FUT8: variants seen among roughly 807,000 people sequenced by gnomAD.
FUT8 encodes the protein fucosyltransferase 8, also known as alpha-(1,6)-fucosyltransferase.
In FUT8, 29 loss-of-function variants were observed where a neutral mutation model predicts 71.3. That is an observed-to-expected ratio of 0.41 (90% CI 0.30 to 0.55). The LOEUF (loss-of-function observed/expected upper bound fraction) is 0.55, where lower values mean the gene tolerates loss of function less well. Ranked by LOEUF, FUT8 falls within the 20% of genes least tolerant of loss-of-function variation. The pLI is 0.34. For missense variants in FUT8, 544 were observed against 702.1 expected (o/e 0.77, Z 2.55); for synonymous variants, 254 against 239.3 (o/e 1.06, Z -0.57).
chr14:65,546,798 C>G (rs926701933), intron 2 of FUT8, among the ~76,000 whole-genome samples: 1 of 151,426 alleles, frequency 6.6e-6, no homozygotes, highest in African/African-American at 2.4e-5. Flanking sequence ...GTTGTTATAT[C>G]TACCATGTTA....
rs1276715025 is a variant in FUT8, at chr14:65,444,489, G to A, written c.-325-11132G>A. Among the ~76,000 whole-genome samples, 7 of 152,232 alleles carry A rather than the reference G, an allele frequency of 4.6e-5. No homozygotes were observed. The Middle Eastern group carries it at 0.017, about 370-fold the overall frequency. On this transcript the variant is annotated intron_variant, in intron 1 of 10. Coordinates refer to ENST00000673929, the MANE Select transcript of FUT8 (RefSeq NM_001371533.1). ...ACATGTTCCTGCAAAAACCAGTAATGCTCTGTTCATAATTGCCCAAAACTG... is the reference window on the plus strand; with the variant it reads ...ACATGTTCCTGCAAAAACCAGTAATACTCTGTTCATAATTGCCCAAAACTG...
intron 6 of FUT8, among the ~76,000 whole-genome samples, chr14:65,659,897 T>G (rs1594870912): frequency 2.0e-5 from 3 of 152,270 alleles, no homozygotes; most frequent in Admixed American, 6.5e-5. Context: ...AATCTTAATT[T>G]TGTAAGCATG....
chr14:65,384,304 A>G, the FUT8 span, among the ~76,000 whole-genome samples: 8 of 152,312 alleles, frequency 5.3e-5, no homozygotes, highest in South Asian at 1.7e-3. The surrounding 1 kb of genome is among the most constrained non-coding windows in gnomAD (Gnocchi z 4.2). Flanking sequence ...GGTGGAGTGC[A>G]GTGGTGTGAT....
chr14:65,557,224 A>G (rs1885631627), intron 2 of FUT8, among the ~76,000 whole-genome samples: 1 of 152,190 alleles, frequency 6.6e-6, no homozygotes, highest in African/African-American at 2.4e-5. Flanking sequence ...AATATTACCC[A>G]AAGAATCTCT....
the FUT8 span, among the ~76,000 whole-genome samples, chr14:65,370,492 G>A: frequency 1.3e-5 from 2 of 151,582 alleles, no homozygotes; most frequent in Admixed American, 6.6e-5. Context: ...ACAGGCGTGA[G>A]CCATTGCGCC....
intron 7 of FUT8, among the ~76,000 whole-genome samples, chr14:65,713,991 T>C (rs575186296): frequency 6.6e-6 from 1 of 152,334 alleles, no homozygotes; most frequent in African/African-American, 2.4e-5. Flanking sequence ...CTTAGTAGTT[T>C]CATAGTTTGA....
rs1890928916 is a variant in FUT8 at position 65,643,348 on chromosome 14, C to A, written c.597+13742C>A. Among the ~76,000 whole-genome samples the A allele has an allele frequency of 6.6e-6, 1 of 152,100 alleles. No homozygotes were observed. Among genetic ancestry groups the A allele is most frequent in the Non-Finnish European group, 1.5e-5 (1 of 68,016 alleles). On this transcript the variant is annotated intron_variant, in intron 6 of 10. Transcript: ENST00000673929. The surrounding 1 kb of genome is among the most constrained non-coding windows in gnomAD (Gnocchi z 4.5). Reference sequence around the variant, plus strand: ...ATATTTAGGTCATTAACATCTGTGACCTGGAAATAAAATTGACAGATTCTG... The same window carrying A: ...ATATTTAGGTCATTAACATCTGTGAACTGGAAATAAAATTGACAGATTCTG...
chr14:65,707,021 A>G (rs1023476658), intron 7 of FUT8, among the ~76,000 whole-genome samples: 1 of 152,172 alleles, frequency 6.6e-6, no homozygotes, highest in African/African-American at 2.4e-5. Flanking sequence ...AGAGCCTTAA[A>G]GTCTTGATGG....
At chr14:65,395,890 A>T in the FUT8 span, among the ~76,000 whole-genome samples, 3 of 152,250 alleles carry the variant, frequency 2.0e-5, no homozygotes, top group Non-Finnish European at 4.4e-5. Flanking sequence ...GATGCTTTTA[A>T]CATCACCAAA....
chr14:65,662,072 A>G (rs1413734030), intron 6 of FUT8, among the ~76,000 whole-genome samples: 5 of 152,194 alleles, frequency 3.3e-5, no homozygotes, highest in Non-Finnish European at 7.3e-5. Context: ...AAGCAGGGTC[A>G]TTCTTGGAAA....
chr14:65,651,299 C>T (rs528859549), intron 6 of FUT8, among the ~76,000 whole-genome samples: 1 of 152,340 alleles, frequency 6.6e-6, no homozygotes, highest in East Asian at 1.9e-4. Flanking sequence ...TTGGGCTCTG[C>T]TGTGTTATAC....
chr14:65,447,612 C>T (rs1294662299), intron 1 of FUT8, among the ~76,000 whole-genome samples: 1 of 151,678 alleles, frequency 6.6e-6, no homozygotes, highest in African/African-American at 2.4e-5. Flanking sequence ...GGTATCTTGT[C>T]TGGTTGAATT....
At chr14:65,543,140 G>GT (rs1304517544) in intron 2 of FUT8, among the ~76,000 whole-genome samples, 2 of 152,128 alleles carry the variant, frequency 1.3e-5, no homozygotes, top group African/African-American at 2.4e-5. Flanking sequence ...TAAATGTTGT[G>GT]TTTAAGGACC....
At chr14:65,637,494 T>G (rs1890620821) in intron 6 of FUT8, among the ~76,000 whole-genome samples, 1 of 152,162 alleles carries the variant, frequency 6.6e-6, no homozygotes, top group African/African-American at 2.4e-5. Context: ...CGAAAATGGA[T>G]TTTGTTTTCT....
chr14:65,404,238 C>A, the FUT8 span, among the ~76,000 whole-genome samples: 1 of 151,852 alleles, frequency 6.6e-6, no homozygotes, highest in East Asian at 1.9e-4. Context: ...GTGGTGTGAT[C>A]TCGGCTCACT....
intron 3 of FUT8, among the ~76,000 whole-genome samples, chr14:65,568,310 C>A (rs1298955345): frequency 6.6e-6 from 1 of 151,450 alleles, no homozygotes; most frequent in African/African-American, 2.4e-5. Flanking sequence ...TTTTATCTTG[C>A]TAACAGTTTA....
chr14:65,654,320 G>A (rs1891554756), intron 6 of FUT8, among the ~76,000 whole-genome samples: 1 of 152,210 alleles, frequency 6.6e-6, no homozygotes, highest in South Asian at 2.1e-4. Flanking sequence ...CAGGCACGGT[G>A]GAGCACGCCT....
At chr14:65,594,453 G>C (rs1887854094) in intron 3 of FUT8, among the ~76,000 whole-genome samples, 1 of 152,204 alleles carries the variant, frequency 6.6e-6, no homozygotes, top group Non-Finnish European at 1.5e-5. Context: ...TGCTGTCTTA[G>C]CTCCATTGTC....
rs573648762 is a variant in FUT8 at position 65,681,207 on chromosome 14, T to G, written c.835+11727T>G. 3.3e-5 allele frequency among the ~76,000 whole-genome samples: 5 copies of G among 152,358 alleles called. No homozygotes were observed. The South Asian group carries it at 8.3e-4, about 25-fold the overall frequency. Reference sequence around the variant, plus strand: ...ATTGCCTAATACTACTGGCCAATACTTGTTACTCAGTTTTTTTAAATTAAA... The same window carrying G: ...ATTGCCTAATACTACTGGCCAATACGTGTTACTCAGTTTTTTTAAATTAAA... On this transcript the variant is annotated intron_variant, in intron 7 of 10. Coordinates refer to ENST00000673929, the MANE Select transcript of FUT8 (RefSeq NM_001371533.1).
Sources: allele counts gnomAD v4.1 joint callset (sites outside exome capture counted in the v4.1 genomes callset), GRCh38; gene constraint gnomAD v4.1.1; non-coding constraint Gnocchi (gnomAD v3.1); transcripts MANE v1.5; gene names NCBI Gene and HGNC (gene_info 2026-07-23, HGNC 2026-07-21).